The following ADORA2B variants were observed in gnomAD, a reference collection of about 807,000 sequenced individuals.
The protein encoded by ADORA2B is adenosine receptor A2b.
A neutral mutation model predicts 20.8 loss-of-function variants in ADORA2B; 18 were observed. The observed-to-expected ratio is 0.87, with a 90% CI of 0.60 to 1.29. ADORA2B has a LOEUF of 1.29. ADORA2B is among the 50% of genes most tolerant of loss of function. The pLI, the probability that ADORA2B is intolerant of heterozygous loss-of-function variation, is 0.00. For missense variants in ADORA2B, 441 were observed against 422.7 expected, an observed-to-expected ratio of 1.04 and a Z score of -0.38; for synonymous variants, 179 against 178.3, an observed-to-expected ratio of 1.00 and a Z score of -0.03.
At chr17:15,862,806 CTT>C in the ADORA2B span, among the ~76,000 whole-genome samples, 28,200 of 137,846 alleles carry the variant, frequency 0.2, 2,733 homozygotes, top group Non-Finnish European at 0.27. Context: ...GGAGTAATAG[CTT>C]TTTTTTTTTT....
the ADORA2B span, among the ~76,000 whole-genome samples, chr17:15,904,114 G>A: frequency 6.6e-6 from 1 of 151,324 alleles, no homozygotes; most frequent in African/African-American, 2.4e-5. Context: ...ATCTCTCTTA[G>A]CACAAAGTTT....
chr17:15,865,616 C>A, the ADORA2B span, among the ~76,000 whole-genome samples: 5 of 152,190 alleles, frequency 3.3e-5, no homozygotes, highest in Non-Finnish European at 4.4e-5. Flanking sequence ...AGTCACCACT[C>A]GCATCCAGAA....
chr17:15,875,039 A>G, the ADORA2B span, among the ~76,000 whole-genome samples: 5 of 152,112 alleles, frequency 3.3e-5, no homozygotes, highest in South Asian at 2.1e-4. Flanking sequence ...AGTCATTTAC[A>G]TCTTTCTTCT....
the ADORA2B span, among the ~76,000 whole-genome samples, chr17:15,919,392 A>C: frequency 6.6e-6 from 1 of 152,072 alleles, no homozygotes; most frequent in African/African-American, 2.4e-5. Context: ...CTAAAGCAAG[A>C]CTGCCTTAGA....
chr17:15,913,176 C>G, the ADORA2B span, among the ~76,000 whole-genome samples: 1 of 152,230 alleles, frequency 6.6e-6, no homozygotes. Flanking sequence ...TCTTCCTTCC[C>G]TGAGCCAGAA....
At chr17:15,888,850 ATTTTTTTTT>A in the ADORA2B span, among the ~76,000 whole-genome samples, 1 of 6,732 alleles carries the variant, frequency 1.5e-4, no homozygotes. Context: ...ATATATATAT[ATTTTTTTTT>A]TTTTTTTTTT....
At chr17:15,895,350 T>G in the ADORA2B span, among the ~76,000 whole-genome samples, 1 of 152,216 alleles carries the variant, frequency 6.6e-6, no homozygotes, top group African/African-American at 2.4e-5. Flanking sequence ...TGTGGGGTGC[T>G]TTGTTGGTGA....
chr17:15,927,928 G>A, the ADORA2B span, among the ~76,000 whole-genome samples: 1 of 151,922 alleles, frequency 6.6e-6, no homozygotes, highest in African/African-American at 2.4e-5. Context: ...AAAAGACCAA[G>A]CCCCCTGCCT....
the ADORA2B span, among the ~76,000 whole-genome samples, chr17:15,927,820 G>A: frequency 6.6e-6 from 1 of 152,140 alleles, no homozygotes; most frequent in East Asian, 1.9e-4. Flanking sequence ...CTGACATGGA[G>A]AAGACTCGGA....
the ADORA2B span, among the ~76,000 whole-genome samples, chr17:15,860,465 T>G: frequency 6.6e-6 from 1 of 152,284 alleles, no homozygotes; most frequent in South Asian, 2.1e-4. Context: ...TTCCTGCCAC[T>G]CTGTCTCTCT....
the ADORA2B span, among the ~76,000 whole-genome samples, chr17:15,939,750 A>G: frequency 1.3e-5 from 2 of 151,008 alleles, no homozygotes; most frequent in African/African-American, 4.9e-5. Context: ...AGTCCCAGCT[A>G]CTTGGGAGGC....
the ADORA2B span, among the ~76,000 whole-genome samples, chr17:15,854,636 T>C: frequency 6.6e-6 from 1 of 152,254 alleles, no homozygotes; most frequent in Non-Finnish European, 1.5e-5. Flanking sequence ...TTTTGAAAAC[T>C]GTATACCATT....
intron 1 of ADORA2B, among the ~76,000 whole-genome samples, chr17:15,973,588 G>A (rs922352344): frequency 1.3e-5 from 2 of 152,184 alleles, no homozygotes; most frequent in Non-Finnish European, 2.9e-5. Flanking sequence ...AGCAGCATTC[G>A]ATTCTCATAG....
chr17:15,924,723 G>A, the ADORA2B span, among the ~76,000 whole-genome samples: 2 of 148,050 alleles, frequency 1.4e-5, no homozygotes, highest in African/African-American at 2.6e-5. Flanking sequence ...CTGGGCGACA[G>A]AGCGAGACTC....
chr17:15,898,679 T>C, the ADORA2B span, among the ~76,000 whole-genome samples: 3 of 152,072 alleles, frequency 2.0e-5, no homozygotes, highest in East Asian at 3.9e-4. Context: ...GCTTTTTAAA[T>C]TTATTGTCTT....
chr17:15,903,585 C>T, the ADORA2B span, among the ~76,000 whole-genome samples: 1 of 152,186 alleles, frequency 6.6e-6, no homozygotes, highest in Non-Finnish European at 1.5e-5. Context: ...GCCTCCCAGC[C>T]CATCCCCACC....
intron 1 of ADORA2B, among the ~76,000 whole-genome samples, chr17:15,967,752 C>G (rs1199941016): frequency 2.6e-5 from 4 of 152,182 alleles, no homozygotes; most frequent in African/African-American, 7.2e-5. Context: ...CCATGCCCTC[C>G]TTGGGTGCAC....
the ADORA2B span, among the ~76,000 whole-genome samples, chr17:15,938,255 A>G: frequency 6.6e-6 from 1 of 152,062 alleles, no homozygotes; most frequent in South Asian, 2.1e-4. Flanking sequence ...AGGAAAAGAG[A>G]TTTATCAAAT....
At chr17:15,877,531 C>T in the ADORA2B span, among the ~76,000 whole-genome samples, 1 of 152,028 alleles carries the variant, frequency 6.6e-6, no homozygotes, top group African/African-American at 2.4e-5. Flanking sequence ...TGCTTGAGGG[C>T]TTAGACTTGG....
Sources: gnomAD v4.1 joint callset for allele counts (sites outside exome capture counted in the v4.1 genomes callset) on GRCh38, gnomAD v4.1.1 for gene constraint, MANE v1.5 for transcripts, NCBI Gene and HGNC (gene_info 2026-07-23, HGNC 2026-07-21) for gene names.